Variants in CSMD1 observed in about 807,000 individuals in gnomAD.
CSMD1 encodes the protein CUB and sushi domain-containing protein 1.
A neutral mutation model predicts 417.5 loss-of-function variants in CSMD1; 213 were observed. That is an observed-to-expected ratio of 0.51 (90% CI 0.46 to 0.57). The LOEUF (loss-of-function observed/expected upper bound fraction) is 0.57, where lower values mean the gene tolerates loss of function less well. CSMD1 is among the 20% of genes least tolerant of loss of function. CSMD1 has a pLI of 0.00. For synonymous variants in CSMD1, 2,862 were observed against 1,736.8 expected, an observed-to-expected ratio of 1.65 and a Z score of -16.11; for missense variants, 6,923 against 4,529.7, an observed-to-expected ratio of 1.53 and a Z score of -15.17.
chr8:4,924,518 T>C (rs1481389327), intron 1 of CSMD1, among the ~76,000 whole-genome samples: 1 of 151,562 alleles, frequency 6.6e-6, no homozygotes, highest in African/African-American at 2.4e-5. Flanking sequence ...AGGTCAGGAG[T>C]TCGAGACCAG....
chr8:4,025,364 C>T (rs775055491), intron 4 of CSMD1, among the ~76,000 whole-genome samples: 3 of 152,140 alleles, frequency 2.0e-5, no homozygotes, highest in Admixed American at 6.5e-5. Flanking sequence ...TCCTCTATTT[C>T]CCTGTAGGAC....
chr8:4,824,105 C>G (rs1799677062), intron 1 of CSMD1, among the ~76,000 whole-genome samples: 1 of 151,666 alleles, frequency 6.6e-6, no homozygotes, highest in African/African-American at 2.4e-5. Context: ...CACACACACA[C>G]ACACACTCTC....
At chr8:3,936,831 T>C (rs78644338) in intron 5 of CSMD1, among the ~76,000 whole-genome samples, 3 of 152,144 alleles carry the variant, frequency 2.0e-5, no homozygotes, top group Non-Finnish European at 2.9e-5. Flanking sequence ...TATTGCTGCA[T>C]GGAGAGTGAG....
At chr8:3,404,706 G>A (rs1205413551) in intron 15 of CSMD1, among the ~76,000 whole-genome samples, 2 of 152,058 alleles carry the variant, frequency 1.3e-5, no homozygotes, top group African/African-American at 4.8e-5. Context: ...TAACATTTTG[G>A]TGTGTAGCCT....
intron 12 of CSMD1, among the ~76,000 whole-genome samples, chr8:3,414,438 G>T (rs753986950): frequency 6.6e-6 from 1 of 151,968 alleles, no homozygotes; most frequent in African/African-American, 2.4e-5. Context: ...TCCCAAACAT[G>T]CCATGTTGTG....
intron 3 of CSMD1, among the ~76,000 whole-genome samples, chr8:4,321,480 G>T (rs1030661240): frequency 6.6e-6 from 1 of 152,066 alleles, no homozygotes; most frequent in Admixed American, 6.6e-5. Flanking sequence ...CCTCAGTGAT[G>T]CAAGTTAGAC....
chr8:3,391,986 C>A (rs1257858591), intron 17 of CSMD1, among the ~76,000 whole-genome samples: 2 of 151,852 alleles, frequency 1.3e-5, no homozygotes, highest in Non-Finnish European at 2.9e-5. Flanking sequence ...AACCATCATT[C>A]TCAGCAAACT....
At chr8:3,317,933 A>G (rs771913096) in intron 23 of CSMD1, among the ~76,000 whole-genome samples, 17 of 152,072 alleles carry the variant, frequency 1.1e-4, no homozygotes, top group Non-Finnish European at 1.6e-4. Context: ...ACCTTAGCCT[A>G]TTGAGTAGCT....
chr8:4,276,757 G>C (rs942869811), intron 3 of CSMD1, among the ~76,000 whole-genome samples: 2 of 152,154 alleles, frequency 1.3e-5, no homozygotes, highest in Non-Finnish European at 2.9e-5. Flanking sequence ...TGATGTTTCT[G>C]TGTAGAAGGA....
At chr8:3,887,081 T>C (rs901176957) in intron 5 of CSMD1, among the ~76,000 whole-genome samples, 1 of 152,112 alleles carries the variant, frequency 6.6e-6, no homozygotes, top group Admixed American at 6.5e-5. Flanking sequence ...ACAATCCCAC[T>C]CTAGCTGAGC....
chr8:4,045,154 G>T (rs762406720), intron 3 of CSMD1, among the ~76,000 whole-genome samples: 2 of 152,138 alleles, frequency 1.3e-5, no homozygotes, highest in Non-Finnish European at 1.5e-5. Flanking sequence ...CAGCGGCCAC[G>T]CAGTCGTGGG....
intron 5 of CSMD1, among the ~76,000 whole-genome samples, chr8:3,929,269 C>A (rs1318691091): frequency 6.7e-6 from 1 of 150,356 alleles, no homozygotes; most frequent in Non-Finnish European, 1.5e-5. Flanking sequence ...ATGATTTTCC[C>A]CCTACATTCC....
intron 26 of CSMD1, among the ~76,000 whole-genome samples, chr8:3,237,932 G>A (rs1047710897): frequency 8.3e-5 from 12 of 145,154 alleles, no homozygotes; most frequent in Non-Finnish European, 1.5e-4. Flanking sequence ...TTTATTTTAT[G>A]ATATGCTATA....
chr8:3,891,513 C>T (rs916743238), intron 5 of CSMD1, among the ~76,000 whole-genome samples: 5 of 152,120 alleles, frequency 3.3e-5, no homozygotes, highest in African/African-American at 9.6e-5. Flanking sequence ...GACCCCATGC[C>T]TAATCACACA....
intron 7 of CSMD1, among the ~76,000 whole-genome samples, chr8:3,620,518 G>A (rs1051375724): frequency 6.6e-6 from 1 of 152,098 alleles, no homozygotes; most frequent in Non-Finnish European, 1.5e-5. Flanking sequence ...AACAGCAATA[G>A]CATAAAGTAA....
chr8:4,739,078 A>C (rs997293514), intron 1 of CSMD1, among the ~76,000 whole-genome samples: 4 of 151,036 alleles, frequency 2.6e-5, no homozygotes, highest in Admixed American at 2.6e-4. Context: ...ACACATGTGC[A>C]CACACACATA....
At chr8:3,665,065 A>C (rs1330208781) in intron 7 of CSMD1, among the ~76,000 whole-genome samples, 1 of 152,180 alleles carries the variant, frequency 6.6e-6, no homozygotes, top group African/African-American at 2.4e-5. Flanking sequence ...TTTCCATGAC[A>C]TTCAAGAAAC....
chr8:4,334,301 G>A (rs1320729728), intron 3 of CSMD1, among the ~76,000 whole-genome samples: 1 of 152,044 alleles, frequency 6.6e-6, no homozygotes, highest in Non-Finnish European at 1.5e-5. Context: ...ACTATTCCAG[G>A]TATTCCTGGG....
At chr8:4,320,425 G>A (rs533995226) in intron 3 of CSMD1, among the ~76,000 whole-genome samples, 26 of 152,130 alleles carry the variant, frequency 1.7e-4, no homozygotes, top group African/African-American at 6.3e-4. Context: ...TTGTGACATA[G>A]GTAGACACGT....
Sources: allele counts gnomAD v4.1 joint callset (sites outside exome capture counted in the v4.1 genomes callset), GRCh38; gene constraint gnomAD v4.1.1; transcripts MANE v1.5; gene names NCBI Gene and HGNC (gene_info 2026-07-23, HGNC 2026-07-21).